ARHGAP8: variants seen among roughly 807,000 people sequenced by gnomAD.
ARHGAP8 encodes Rho GTPase activating protein 8, also known as rho GTPase-activating protein 8.
A neutral mutation model predicts 46.1 loss-of-function variants in ARHGAP8; 62 were observed. The observed-to-expected ratio is 1.34, with a 90% confidence interval of 1.10 to 1.66. ARHGAP8 has a LOEUF of 1.66. Ranked by LOEUF, ARHGAP8 falls within the 40% of genes most tolerant of loss-of-function variation. The pLI, the probability that ARHGAP8 is intolerant of heterozygous loss-of-function variation, is 0.00. For synonymous variants in ARHGAP8, 375 were observed against 243.1 expected, an observed-to-expected ratio of 1.54 and a Z score of -5.05; for missense variants, 923 against 568.4, an observed-to-expected ratio of 1.62 and a Z score of -6.34.
At chr22:44,831,467 G>A (rs1384275629) in intron 7 of ARHGAP8, among the ~76,000 whole-genome samples, 2 of 152,112 alleles carry the variant, frequency 1.3e-5, no homozygotes, top group South Asian at 2.1e-4. Flanking sequence ...AGGCTGAGGC[G>A]GGTGGATCAC....
intron 4 of ARHGAP8, chr22:44,809,704 C>T (rs1340694181): frequency 6.3e-6 from 1 of 157,632 alleles, no homozygotes; most frequent in South Asian, 1.9e-4. Context: ...TAATAATCAA[C>T]TTGGCAATAT....
At chr22:44,860,191 T>TGGTACAGAGCCCAGG (rs1569187623) in intron 11 of ARHGAP8, among the ~76,000 whole-genome samples, 1 of 152,154 alleles carries the variant, frequency 6.6e-6, no homozygotes, top group African/African-American at 2.4e-5. Flanking sequence ...CAGAGCCCAG[T>TGGTACAGAGCCCAGG]GGACTGAGCT....
intron 11 of ARHGAP8, among the ~76,000 whole-genome samples, chr22:44,861,886 C>T (rs548734147): frequency 6.6e-6 from 1 of 152,312 alleles, no homozygotes; most frequent in East Asian, 1.9e-4. Context: ...GATGTGCTGG[C>T]TGGTCCCCAT....
chr22:44,861,721 T>G (rs971385915), intron 11 of ARHGAP8, among the ~76,000 whole-genome samples: 2 of 152,104 alleles, frequency 1.3e-5, no homozygotes, highest in African/African-American at 2.4e-5. Context: ...CTTGGGCAAG[T>G]CTCCTGTACC....
chr22:44,773,473 A>G (rs995891201), intron 1 of ARHGAP8, among the ~76,000 whole-genome samples: 1 of 152,238 alleles, frequency 6.6e-6, no homozygotes, highest in East Asian at 1.9e-4. Flanking sequence ...GGTTTTTACT[A>G]ATTACACTGT....
rs77929063 is a variant in ARHGAP8 at position 44,839,249 on chromosome 22, C to A, written c.597-6020C>A. Among the ~76,000 whole-genome samples the A allele has an allele frequency of 4.5e-3, 688 of 152,274 alleles. 9 individuals carry two copies. The highest frequency in any genetic ancestry group is 0.016 in the African/African-American group (652 of 41,542). On this transcript the variant is annotated intron_variant, in intron 7 of 11. Coordinates refer to ENST00000356099, the MANE Select transcript of ARHGAP8 (RefSeq NM_181335.3). Reference sequence around the variant, plus strand: ...GGGGGCCAGGTCCGTATTCCTGCAACAGCAGGACCTCCTGAAGGTCACGCC... The same window carrying A: ...GGGGGCCAGGTCCGTATTCCTGCAAAAGCAGGACCTCCTGAAGGTCACGCC...
chr22:44,856,100 C>A (rs1192528907), intron 10 of ARHGAP8, among the ~76,000 whole-genome samples: 5 of 152,000 alleles, frequency 3.3e-5, no homozygotes, highest in African/African-American at 1.2e-4. Flanking sequence ...ATGGTGCTAA[C>A]CATTTATGAG....
At chr22:44,767,315 C>T (rs1925647958) in intron 1 of ARHGAP8, among the ~76,000 whole-genome samples, 1 of 152,102 alleles carries the variant, frequency 6.6e-6, no homozygotes, top group Non-Finnish European at 1.5e-5. Flanking sequence ...TGGTATTGTT[C>T]ATTTCGGATG....
chr22:44,784,785 C>G (rs1259009976), intron 1 of ARHGAP8, among the ~76,000 whole-genome samples: 1 of 152,216 alleles, frequency 6.6e-6, no homozygotes, highest in Non-Finnish European at 1.5e-5. Flanking sequence ...TTCTGCCCGA[C>G]GCAGGGGCTT....
intron 7 of ARHGAP8, among the ~76,000 whole-genome samples, chr22:44,844,788 C>G (rs2069912926): frequency 6.6e-6 from 1 of 152,184 alleles, no homozygotes; most frequent in Non-Finnish European, 1.5e-5. Flanking sequence ...GAATCTCTGT[C>G]TCAAAATAGT....
At chr22:44,827,710 G>C (rs951700982) in intron 7 of ARHGAP8, among the ~76,000 whole-genome samples, 2 of 152,160 alleles carry the variant, frequency 1.3e-5, no homozygotes, top group African/African-American at 4.8e-5. Flanking sequence ...AAAGTAGGTG[G>C]TAGTGAGTGG....
rs144131168 is a variant in ARHGAP8 at position 44,804,999 on chromosome 22, T to C, written c.167+2835T>C. ...ATTACCCCAGACAGTGAGGCTGGCT[T>C]TCCCCAGGAGGTGCTCACCCCAGTG... On this transcript the variant is annotated intron_variant, in intron 3 of 11. Coordinates refer to ENST00000356099, the MANE Select transcript of ARHGAP8 (RefSeq NM_181335.3). Among the ~76,000 whole-genome samples the C allele has an allele frequency of 5.7e-3, 865 of 152,230 alleles. 5 individuals are homozygous for C. The highest frequency in any genetic ancestry group is 0.02 in the African/African-American group (834 of 41,544).
chr22:44,856,603 T>C (rs1360682042), intron 10 of ARHGAP8, among the ~76,000 whole-genome samples: 3 of 145,800 alleles, frequency 2.1e-5, no homozygotes, highest in African/African-American at 5.4e-5. Flanking sequence ...ATCCTGACCA[T>C]TGGCTGTTCC....
chr22:44,859,940 C>G, intron 11 of ARHGAP8, 106 bp downstream of exon 11: 6 of 1,324,000 alleles, frequency 4.5e-6, no homozygotes, highest in Non-Finnish European at 6.2e-6. Flanking sequence ...GGGTCATGCC[C>G]TGCTTGGGCC....
chr22:44,770,661 C>T (rs375809035), intron 1 of ARHGAP8, among the ~76,000 whole-genome samples: 6 of 152,282 alleles, frequency 3.9e-5, no homozygotes, highest in Admixed American at 2.0e-4. Context: ...CCACTTTGGC[C>T]TCCCAAAGTG....
At position 44,825,501 on chromosome 22, in the gene ARHGAP8, G is replaced by A; in HGVS notation, c.504G>A (p.Gln168=). Residue 168 remains glutamine, a synonymous_variant, in exon 7 of 12, where the codon CAG becomes CAA. Coordinates refer to ENST00000356099, the MANE Select transcript of ARHGAP8 (RefSeq NM_181335.3). Reference sequence around the variant, plus strand: ...TCTACAGGTACGATGAGAAGCTCCAGAGCCTGCACGAGGGCCGGACGCCGC... The same window carrying A: ...TCTACAGGTACGATGAGAAGCTCCAAAGCCTGCACGAGGGCCGGACGCCGC... ...PEVLRYDEKL[Q]SLHEGRTPPP... The A allele has an allele frequency of 6.2e-7, 1 of 1,613,482 alleles. No homozygotes were observed.
intron 11 of ARHGAP8, among the ~76,000 whole-genome samples, chr22:44,861,075 C>G (rs554449649): frequency 1.3e-5 from 2 of 152,292 alleles, no homozygotes; most frequent in South Asian, 4.1e-4. Context: ...GCAATCTCAG[C>G]TCACTGCAAC....
intron 10 of ARHGAP8, among the ~76,000 whole-genome samples, chr22:44,855,982 A>C (rs4823395): frequency 2.0e-5 from 3 of 152,204 alleles, no homozygotes. Context: ...AAGGAGGAGC[A>C]GGTGTCTCAC....
Position 44,848,992 on chromosome 22 carries a change from C to T in ARHGAP8, c.809C>T (p.Thr270Ile). The T allele has an allele frequency of 6.2e-7, 1 of 1,614,160 alleles. No homozygotes were observed. The highest frequency in any genetic ancestry group is 8.5e-7 in the Non-Finnish European group (1 of 1,180,036). The change falls in exon 10 of 12, where the codon ACC (threonine) becomes ATC (isoleucine). Residue 270 changes from threonine to isoleucine, a missense_variant. Physicochemically the swap from Thr to Ile is moderately conservative, Grantham distance 89 (BLOSUM62 -1). Transcript: ENST00000356099. The stretch of plus-strand genomic sequence containing the variant: ...CACATCCCTGCCGTGATCCTGAAGA[C>T]CTTCCTGCGAGAGCTGCCCCAGCCG... ...DIHIPAVILK[T>I]FLRELPQPLL... is the part of the protein sequence containing the mutation.
Sources: gnomAD v4.1 joint callset for allele counts (sites outside exome capture counted in the v4.1 genomes callset) on GRCh38, gnomAD v4.1.1 for gene constraint, MANE v1.5 for transcripts, NCBI Gene and HGNC (gene_info 2026-07-23, HGNC 2026-07-21) for gene names.